Variants in VPS25 observed in about 807,000 individuals in gnomAD.
VPS25 encodes vacuolar protein-sorting-associated protein 25.
In VPS25, 21 loss-of-function variants were observed where a neutral mutation model predicts 30.3. The observed-to-expected ratio is 0.69, with a 90% CI of 0.49 to 1.00. The LOEUF (loss-of-function observed/expected upper bound fraction) is 1.00. Ranked by LOEUF, VPS25 falls within the 50% of genes least tolerant of loss-of-function variation. The probability of loss-of-function intolerance (pLI) is 0.00; values close to 1 mark genes in which losing one functional copy is unlikely to be tolerated. For synonymous variants in VPS25, 101 were observed against 88.1 expected, an observed-to-expected ratio of 1.15 and a Z score of -0.82; for missense variants, 156 against 217.2, an observed-to-expected ratio of 0.72 and a Z score of 1.77.
chr17:42,774,600 A>G (rs1199527757), intron 2 of VPS25, 46 bp from the exon 3 acceptor site: 1 of 1,580,338 alleles, frequency 6.3e-7, no homozygotes, highest in Admixed American at 1.7e-5. Context: ...GAAAATTTTT[A>G]TCCTACCCAA....
At position 42,773,809 on chromosome 17, in the gene VPS25, CACAA is replaced by C; in HGVS notation, c.134_137del (p.Lys45SerfsTer4). On this transcript the variant is annotated frameshift_variant, in exon 2 of 6. Coordinates refer to ENST00000253794, the MANE Select transcript of VPS25 (RefSeq NM_032353.4). LOFTEE classifies it high-confidence loss of function. ...GCTGGTCCTGTCCTTCTGCCGCCTG[CACAA>C]ACAGTCCAGCATGACGGTGATGGAA... 1 of 1,614,166 alleles carries C rather than the reference CACAA, an allele frequency of 6.2e-7. No individual in the cohort carries two copies. The highest frequency in any genetic ancestry group is 2.2e-5 in the East Asian group (1 of 44,882).
At chr17:42,775,681 C>CG (rs778889374) in intron 4 of VPS25, among the ~76,000 whole-genome samples, 68 of 152,024 alleles carry the variant, frequency 4.5e-4, no homozygotes, top group Non-Finnish European at 1.9e-4. Context: ...TGTAGGAGGC[C>CG]GGGGGCTATG....
intron 5 of VPS25, among the ~76,000 whole-genome samples, chr17:42,776,752 C>T (rs973693657): frequency 6.6e-6 from 1 of 151,920 alleles, no homozygotes; most frequent in Non-Finnish European, 1.5e-5. Context: ...CCTCCGCCTC[C>T]TATGTTCAAG....
Position 42,774,834 on chromosome 17 carries a change from G to T in VPS25, c.253+135G>T, listed in dbSNP as rs2054427953. On this transcript the variant is annotated intron_variant, in intron 3 of 5. Coordinates refer to ENST00000253794, the MANE Select transcript of VPS25 (RefSeq NM_032353.4). The stretch of plus-strand genomic sequence containing the variant: ...AAGGCCAGAGTCTTCTGTAAAGTAG[G>T]CAGCCCAATTCCCAAGTCCTTTCTT... 4 of 667,314 alleles carry T rather than the reference G, an allele frequency of 6.0e-6. No homozygotes were observed. The South Asian group carries it at 9.8e-5, about 16-fold the overall frequency. The allele number at this position is 667,314 out of a possible 1,614,324, so 41.3% of individuals were successfully genotyped here.
At chr17:42,775,546 C>T (rs1051705872) in intron 4 of VPS25, 77 bp downstream of exon 4, 25 of 1,252,356 alleles carry the variant, frequency 2.0e-5, no homozygotes, top group African/African-American at 1.5e-5. Flanking sequence ...AGCAGATAGC[C>T]GGTGTTCCCA....
At chr17:42,777,684 G>C (rs1463539286) in intron 5 of VPS25, among the ~76,000 whole-genome samples, 3 of 152,132 alleles carry the variant, frequency 2.0e-5, no homozygotes. Flanking sequence ...CAAGATCTGT[G>C]GGTGTCAGCT....
chr17:42,775,455 C>G lies in VPS25; in HGVS notation c.328C>G (p.Leu110Val). ...MWRRPEEWGK[L>V]IYQWVSRSGQ... is the part of the protein sequence containing the mutation. Reference sequence around the variant, plus strand: ...GCGGAGGCCAGAAGAATGGGGGAAACTCATCTATCAGTGGGTGAGATCATT... The same window carrying G: ...GCGGAGGCCAGAAGAATGGGGGAAAGTCATCTATCAGTGGGTGAGATCATT... Residue 110 changes from leucine to valine, a missense_variant, in exon 4 of 6, where the codon CTC (leucine) becomes GTC (valine). Transcript: ENST00000253794. 4 of 1,613,644 alleles carry G rather than the reference C, an allele frequency of 2.5e-6. No homozygotes were observed. Among genetic ancestry groups the G allele is most frequent in the Non-Finnish European group, 3.4e-6 (4 of 1,179,630 alleles).
chr17:42,778,941 A>C lies in VPS25; in HGVS notation c.419-16A>C, dbSNP rs368894812. On this transcript the variant is annotated splice_polypyrimidine_tract_variant and intron_variant, in intron 5 of 5. Transcript: ENST00000253794. ...CCTCAGGAGCTGATTGTCTCTGCCT[A>C]TCTCTCCCTGTTCAGAGTTCCACGG... 3.1e-6 allele frequency: 5 copies of C among 1,612,248 alleles called. No homozygotes were observed. The highest frequency in any genetic ancestry group is 1.7e-5 in the Admixed American group (1 of 59,958).
intron 2 of VPS25, 67 bp downstream of exon 2, chr17:42,773,945 C>A: frequency 6.6e-7 from 1 of 1,526,682 alleles, no homozygotes; most frequent in Non-Finnish European, 8.8e-7. Context: ...CATGCCCAGA[C>A]GCCCCCCCGC....
Position 42,779,095 on chromosome 17 carries a change from TACC to T in VPS25, c.*27_*29del. 6.3e-7 allele frequency: 1 copy of T among 1,597,486 alleles called. No individual in the cohort carries two copies. The highest frequency in any genetic ancestry group is 8.6e-7 in the Non-Finnish European group (1 of 1,167,568). On this transcript the variant is annotated 3_prime_UTR_variant, in exon 6 of 6. Transcript: ENST00000253794. The stretch of plus-strand genomic sequence containing the variant: ...CAGGGACCTGTCTCCCTTTACTTCT[TACC>T]TCCCACCTTTCCAGGGCTTTCAAAA...
chr17:42,773,795 CCTT>C lies in VPS25; in HGVS notation c.119_121del (p.Phe40del), dbSNP rs1409393818. ...GCCGCCTGGTGCTCGCTGGTCCTGT[CCTT>C]CTGCCGCCTGCACAAACAGTCCAGC... On this transcript the variant is annotated inframe_deletion, in exon 2 of 6. Coordinates refer to ENST00000253794, the MANE Select transcript of VPS25 (RefSeq NM_032353.4). 3 of 1,614,060 alleles carry C rather than the reference CCTT, an allele frequency of 1.9e-6. No individual in the cohort carries two copies. The highest frequency in any genetic ancestry group is 1.7e-5 in the Admixed American group (1 of 60,004).
rs566041457 is a variant in VPS25, at chr17:42,773,590, C to T, written c.53+62C>T. 67 of 1,613,078 alleles carry T rather than the reference C, an allele frequency of 4.2e-5. No individual in the cohort carries two copies. In the Middle Eastern group the frequency reaches 5.0e-4, roughly 12 times the overall value. On this transcript the variant is annotated intron_variant, in intron 1 of 5. Transcript: ENST00000253794. ...CCTCCCCTCCCCCGGACCCTGGGCT[C>T]AGCCCTGATGCTTCATATGGGGAGG...
intron 2 of VPS25, 151 bp from the exon 3 acceptor site, chr17:42,774,495 T>G (rs956997793): frequency 2.3e-5 from 12 of 523,792 alleles, no homozygotes; most frequent in African/African-American, 2.3e-4. Flanking sequence ...CCTTTGAATA[T>G]CCAGGAAATG....
intron 5 of VPS25, 121 bp downstream of exon 5, chr17:42,776,441 C>T (rs1429080916): frequency 3.7e-6 from 3 of 818,356 alleles, no homozygotes; most frequent in Admixed American, 2.5e-5. Flanking sequence ...CGGCTCACTG[C>T]AACCTCCGCC....
chr17:42,779,142 C>A lies in VPS25; in HGVS notation c.*73C>A. 1 of 1,378,284 alleles carries A rather than the reference C, an allele frequency of 7.3e-7. No individual in the cohort carries two copies. Among genetic ancestry groups the A allele is most frequent in the Non-Finnish European group, 1.0e-6 (1 of 989,906 alleles). The allele number at this position is 1,378,284 out of a possible 1,614,324, so 85.4% of individuals were successfully genotyped here. ...TTCAAAAGGAGACAGACCCAGTGTC[C>A]CCCAAAGACTGGATCTGTGACTCCA... On this transcript the variant is annotated 3_prime_UTR_variant, in exon 6 of 6. Coordinates refer to ENST00000253794, the MANE Select transcript of VPS25 (RefSeq NM_032353.4).
At chr17:42,774,023 A>G in intron 2 of VPS25, 145 bp downstream of exon 2, 4 of 989,776 alleles carry the variant, frequency 4.0e-6, no homozygotes, top group South Asian at 1.7e-5. Context: ...GAAAATGTGT[A>G]GCTGACATTT....
intron 2 of VPS25, 127 bp downstream of exon 2, chr17:42,774,005 T>A: frequency 1.7e-6 from 2 of 1,164,306 alleles, no homozygotes; most frequent in Non-Finnish European, 2.4e-6. Context: ...AAACTGGACT[T>A]AAAGAGTGAA....
intron 5 of VPS25, among the ~76,000 whole-genome samples, chr17:42,776,663 G>GT (rs1205721262): frequency 0.055 from 6,616 of 120,894 alleles, 286 homozygotes; most frequent in South Asian, 0.11. Context: ...TGCCCCGCCT[G>GT]TTTTTTTTTT....
At chr17:42,774,886 T>G in intron 3 of VPS25, 187 bp downstream of exon 3, 1 of 520,518 alleles carries the variant, frequency 1.9e-6, no homozygotes, top group Non-Finnish European at 3.4e-6. Context: ...GAAATCTCTG[T>G]CTGTGCCCTA....
Sources: allele counts gnomAD v4.1 joint callset (sites outside exome capture counted in the v4.1 genomes callset), GRCh38; gene constraint gnomAD v4.1.1; transcripts MANE v1.5; gene names NCBI Gene and HGNC (gene_info 2026-07-23, HGNC 2026-07-21).